The following MRPL35 variants were observed in gnomAD, a reference collection of about 807,000 sequenced individuals.
MRPL35 encodes mitochondrial ribosomal protein L35.
A neutral mutation model predicts 21.6 loss-of-function variants in MRPL35; 18 were observed. That is an observed-to-expected ratio of 0.83 (90% CI 0.58 to 1.24). The LOEUF is 1.24. Ranked by LOEUF, MRPL35 falls within the 50% of genes most tolerant of loss-of-function variation. The probability of loss-of-function intolerance (pLI) is 0.00; values close to 1 mark genes in which losing one functional copy is unlikely to be tolerated. For missense variants in MRPL35, 223 were observed against 223.2 expected, an observed-to-expected ratio of 1.00 and a Z score of 0.01; for synonymous variants, 87 against 86.9, an observed-to-expected ratio of 1.00 and a Z score of -0.01.
Position 86,212,213 on chromosome 2 carries a change from C to T in MRPL35, c.*1545C>T, listed in dbSNP as rs1178943780. The T allele has an allele frequency of 2.3e-6, 3 of 1,331,076 alleles. No homozygotes were observed. The highest frequency in any genetic ancestry group is 2.9e-6 in the Non-Finnish European group (3 of 1,040,750). 82.5% of individuals were successfully genotyped at this position (1,331,076 alleles called of 1,614,324 possible). On this transcript the variant is annotated 3_prime_UTR_variant, in exon 4 of 4. Transcript: ENST00000337109. ...AATTGAAGTTCTGCAGCATGTCAGG[C>T]CAGGATTATTAGGGAGATTCCTCGA...
chr2:86,203,943 AG>A (rs1673738518), intron 1 of MRPL35, among the ~76,000 whole-genome samples: 1 of 151,858 alleles, frequency 6.6e-6, no homozygotes, highest in Admixed American at 6.6e-5. Flanking sequence ...ATAGGAGAGT[AG>A]TTCTAAGTCC....
At chr2:86,209,841 T>C (rs1673867230) in intron 3 of MRPL35, among the ~76,000 whole-genome samples, 1 of 152,166 alleles carries the variant, frequency 6.6e-6, no homozygotes, top group African/African-American at 2.4e-5. Context: ...AGACCTTATC[T>C]CTACAAAAAT....
At chr2:86,207,684 C>T (rs1673830862) in intron 3 of MRPL35, among the ~76,000 whole-genome samples, 1 of 151,522 alleles carries the variant, frequency 6.6e-6, no homozygotes, top group Non-Finnish European at 1.5e-5. Context: ...AAACAGAATT[C>T]AGAATTCAGC....
intron 1 of MRPL35, among the ~76,000 whole-genome samples, chr2:86,204,041 A>T (rs368798518): frequency 6.6e-5 from 10 of 151,696 alleles, no homozygotes; most frequent in Admixed American, 2.0e-4. Flanking sequence ...CTGGAGTGCA[A>T]TGTTGCAGTC....
chr2:86,203,173 A>G (rs1673723679), intron 1 of MRPL35, among the ~76,000 whole-genome samples: 2 of 144,772 alleles, frequency 1.4e-5, no homozygotes, highest in South Asian at 2.2e-4. Context: ...TCTGCCTCCC[A>G]GGTTCACGCC....
At position 86,210,733 on chromosome 2, in the gene MRPL35, A is replaced by G. The variant is rs550173102; in HGVS notation, c.*65A>G. The G allele has an allele frequency of 9.0e-5, 135 of 1,499,642 alleles. No individual in the cohort carries two copies. In the African/African-American group the frequency reaches 1.7e-3, roughly 18 times the overall value. The allele number at this position is 1,499,642 out of a possible 1,614,324, so 92.9% of individuals were successfully genotyped here. A position where few individuals can be genotyped will look rare whatever the true frequency, so the allele number is the denominator to read the frequency against. ...TCTTTGTGTACATATCTTTGCAAAA[A>G]TGGATAAGTACAAAACTTGATGTAA... On this transcript the variant is annotated 3_prime_UTR_variant, in exon 4 of 4. Transcript: ENST00000337109.
In MRPL35 at chr2:86,210,851, G is replaced by C; in HGVS notation, c.*183G>C. The C allele has an allele frequency of 1.6e-6, 2 of 1,277,902 alleles. No homozygotes were observed. The highest frequency in any genetic ancestry group is 2.0e-6 in the Non-Finnish European group (2 of 1,011,790). The allele number at this position is 1,277,902 out of a possible 1,614,324, so 79.2% of individuals were successfully genotyped here. On this transcript the variant is annotated 3_prime_UTR_variant, in exon 4 of 4. Transcript: ENST00000337109. ...GATCAGACTTTGCCAGATTTGGTTAGGGAAACAGAAATTTAGAATGGTGCA... is the reference window on the plus strand; with the variant it reads ...GATCAGACTTTGCCAGATTTGGTTACGGAAACAGAAATTTAGAATGGTGCA...
rs774598542 is a variant in MRPL35, at chr2:86,207,186, G to A, written c.237G>A (p.Met79Ile). ...AAATTTTAAAATATATTTTTAGAAT[G>A]GCCCCCGTGCTTCCAAGTGTCCTGA... ...CGHTSVILNR[M>I]APVLPSVLKL... The change falls in exon 3 of 4, where the codon ATG becomes ATA. Residue 79 changes from methionine to isoleucine, a missense_variant. By Grantham distance (10) the Met-to-Ile change is conservative (BLOSUM62 1). Coordinates refer to ENST00000337109, the MANE Select transcript of MRPL35 (RefSeq NM_016622.4). 2 of 1,603,514 alleles carry A rather than the reference G, an allele frequency of 1.2e-6. No homozygotes were observed. Among genetic ancestry groups the A allele is most frequent in the South Asian group, 1.1e-5 (1 of 88,872 alleles).
rs1673908305 is a variant in MRPL35, at chr2:86,211,906, G to A, written c.*1238G>A. The A allele has an allele frequency of 1.0e-6, 1 of 985,420 alleles. No homozygotes were observed. Among genetic ancestry groups the A allele is most frequent in the Non-Finnish European group, 1.2e-6 (1 of 830,062 alleles). 61.0% of individuals were successfully genotyped at this position (985,420 alleles called of 1,614,324 possible). On this transcript the variant is annotated 3_prime_UTR_variant, in exon 4 of 4. Coordinates refer to ENST00000337109, the MANE Select transcript of MRPL35 (RefSeq NM_016622.4). ...TCAACAATCATTGTAGAAACTAAGGGGGAGAAAGTAATCTCAGTTGTTTTA... is the reference window on the plus strand; with the variant it reads ...TCAACAATCATTGTAGAAACTAAGGAGGAGAAAGTAATCTCAGTTGTTTTA...
At chr2:86,207,401 AG>A in intron 3 of MRPL35, 74 bp downstream of exon 3, 1 of 1,504,880 alleles carries the variant, frequency 6.6e-7, no homozygotes, top group Non-Finnish European at 8.9e-7. Flanking sequence ...CTATAATCCC[AG>A]CACTTTGGCG....
intron 1 of MRPL35, among the ~76,000 whole-genome samples, chr2:86,202,851 C>T (rs904320259): frequency 1.3e-5 from 2 of 151,906 alleles, no homozygotes; most frequent in Non-Finnish European, 2.9e-5. Flanking sequence ...TCACTCTGCC[C>T]AGCTAATATT....
intron 1 of MRPL35, among the ~76,000 whole-genome samples, chr2:86,203,990 C>CTT (rs59000498): frequency 1.4e-5 from 2 of 145,508 alleles, no homozygotes; most frequent in South Asian, 2.2e-4. Context: ...GTATTTTTCG[C>CTT]TTTTTTTTTT....
rs1196932707 is a variant in MRPL35, at chr2:86,210,685, G to A, written c.*17G>A. On this transcript the variant is annotated 3_prime_UTR_variant, in exon 4 of 4. Transcript: ENST00000337109. ...AAAGTATAGATCAGAAGTTTCACTT[G>A]TTTCTCAGTTATTGGATATGTATCT... 6.3e-7 allele frequency: 1 copy of A among 1,593,462 alleles called. No homozygotes were observed. Among genetic ancestry groups the A allele is most frequent in the African/African-American group, 1.4e-5 (1 of 73,842 alleles).
chr2:86,210,810 G>GT lies in MRPL35; in HGVS notation c.*146dup. 7.5e-7 allele frequency: 1 copy of GT among 1,325,958 alleles called. No homozygotes were observed. Among genetic ancestry groups the GT allele is most frequent in the Non-Finnish European group, 9.7e-7 (1 of 1,034,882 alleles). 82.1% of individuals were successfully genotyped at this position (1,325,958 alleles called of 1,614,324 possible). On this transcript the variant is annotated 3_prime_UTR_variant, in exon 4 of 4. Coordinates refer to ENST00000337109, the MANE Select transcript of MRPL35 (RefSeq NM_016622.4). ...CAGTGACAACATTAAACTTAGAAAA[G>GT]TTTTAAAACTTAATGGATCAGACTT...
At position 86,212,185 on chromosome 2, in the gene MRPL35, T is replaced by C. The variant is rs2103919308; in HGVS notation, c.*1517T>C. On this transcript the variant is annotated 3_prime_UTR_variant, in exon 4 of 4. Transcript: ENST00000337109. ...AATTCCTCTGTTGTTAGTAAAATTA[T>C]GAAATTGAAGTTCTGCAGCATGTCA... 7.8e-7 allele frequency: 1 copy of C among 1,289,740 alleles called. No homozygotes were observed. Among genetic ancestry groups the C allele is most frequent in the Middle Eastern group, 2.9e-4 (1 of 3,500 alleles). The allele number at this position is 1,289,740 out of a possible 1,614,324, so 79.9% of individuals were successfully genotyped here.
Position 86,211,016 on chromosome 2 carries a change from A to G in MRPL35, c.*348A>G, listed in dbSNP as rs981715718. On this transcript the variant is annotated 3_prime_UTR_variant, in exon 4 of 4. Transcript: ENST00000337109. ...AGCAATGTGACATTATTTCAAGGAT[A>G]TGTGCCAGGGAATTCAGGAACCACC... The G allele has an allele frequency of 3.0e-6, 3 of 997,360 alleles. No individual in the cohort carries two copies. The highest frequency in any genetic ancestry group is 3.5e-5 in the African/African-American group (2 of 57,562). The allele number at this position is 997,360 out of a possible 1,614,324, so 61.8% of individuals were successfully genotyped here. A position where few individuals can be genotyped will look rare whatever the true frequency, so the allele number is the denominator to read the frequency against.
rs1029851719 is a variant in MRPL35, at chr2:86,210,574, T to C, written c.473T>C (p.Leu158Ser). The C allele has an allele frequency of 6.2e-7, 1 of 1,613,956 alleles. No homozygotes were observed. Among genetic ancestry groups the C allele is most frequent in the Non-Finnish European group, 8.5e-7 (1 of 1,179,972 alleles). ...VFCNKTQSKL[L>S]DKMTTSFWKR... ...TGCAATAAAACCCAGAGTAAACTCTTAGATAAAATGACGACGTCCTTCTGG... is the reference window on the plus strand; with the variant it reads ...TGCAATAAAACCCAGAGTAAACTCTCAGATAAAATGACGACGTCCTTCTGG... Residue 158 changes from leucine (L) to serine (S), a missense_variant, in exon 4 of 4, where the codon TTA (leucine) becomes TCA (serine). Leu to Ser is a moderately radical substitution (Grantham distance 145, BLOSUM62 -2). Transcript: ENST00000337109.
chr2:86,203,320 C>G (rs1673727628), intron 1 of MRPL35, among the ~76,000 whole-genome samples: 1 of 152,050 alleles, frequency 6.6e-6, no homozygotes, highest in Non-Finnish European at 1.5e-5. Context: ...CTGATCTCCT[C>G]GTGATCTGCC....
intron 1 of MRPL35, among the ~76,000 whole-genome samples, chr2:86,201,168 C>T (rs7590445): frequency 0.41 from 62,056 of 151,920 alleles, 13,791 homozygotes; most frequent in Non-Finnish European, 0.51. Flanking sequence ...CTGTTGAGGC[C>T]CCACATCCTC....
Sources: gnomAD v4.1 joint callset for allele counts (sites outside exome capture counted in the v4.1 genomes callset) on GRCh38, gnomAD v4.1.1 for gene constraint, MANE v1.5 for transcripts, NCBI Gene and HGNC (gene_info 2026-07-23, HGNC 2026-07-21) for gene names.